Variants in ASB2 observed in about 807,000 individuals in gnomAD.
The protein encoded by ASB2 is ankyrin repeat and SOCS box containing 2.
ASB2 carries 58 observed loss-of-function variants against 62.4 expected under a neutral mutation model. The observed-to-expected ratio is 0.93, with a 90% confidence interval of 0.75 to 1.16. The LOEUF (loss-of-function observed/expected upper bound fraction) is 1.16. ASB2 is among the 50% of genes most tolerant of loss of function. The probability of loss-of-function intolerance (pLI) is 0.00; values close to 1 mark genes in which losing one functional copy is unlikely to be tolerated. For missense variants in ASB2, 928 were observed against 887.9 expected (o/e 1.05, Z -0.57); for synonymous variants, 386 against 385.3 (o/e 1.00, Z -0.02).
intron 9 of ASB2, among the ~76,000 whole-genome samples, chr14:93,935,561 CTGAG>C (rs1198202276): frequency 6.6e-6 from 1 of 152,172 alleles, no homozygotes; most frequent in Admixed American, 6.5e-5. Context: ...ACGGTGCCCT[CTGAG>C]TGAGGTCCTG....
intron 2 of ASB2, among the ~76,000 whole-genome samples, chr14:93,958,146 C>T (rs956938030): frequency 4.6e-5 from 7 of 152,230 alleles, no homozygotes; most frequent in Non-Finnish European, 7.3e-5. Context: ...TGGCTGCCTT[C>T]CTCATCCTCG....
chr14:93,949,985 G>T (rs1451694395), intron 6 of ASB2, among the ~76,000 whole-genome samples: 21 of 152,356 alleles, frequency 1.4e-4, no homozygotes, highest in Non-Finnish European at 2.5e-4. Flanking sequence ...TCACAGGGTA[G>T]GGTGGCTGGC....
intron 4 of ASB2, 129 bp downstream of exon 4, chr14:93,954,188 A>G: frequency 1.3e-6 from 1 of 766,174 alleles, no homozygotes; most frequent in East Asian, 2.5e-5. Flanking sequence ...TAACTGACAA[A>G]TGAAAGTGAC....
chr14:93,939,387 G>T lies in ASB2; in HGVS notation c.1338C>A (p.Leu446=), dbSNP rs747862900. The T allele has an allele frequency of 2.0e-5, 32 of 1,612,878 alleles. 1 individual carries two copies. Among genetic ancestry groups the T allele is most frequent in the Non-Finnish European group, 2.6e-5 (31 of 1,179,842 alleles). ...GCAGGCAGCCGTGGCGGATGGCCAC[G>T]AGCAAGGGGCTGATGACGTCGCGGT... ...DPNRDVISPL[L]VAIRHGCLRT... is the part of the protein sequence containing the mutation. Residue 446 remains leucine (L), a synonymous_variant, in exon 8 of 10, where the codon CTC becomes CTA. Coordinates refer to ENST00000555019, the MANE Select transcript of ASB2 (RefSeq NM_001202429.2).
chr14:93,939,115 A>C lies in ASB2; in HGVS notation c.1610T>G (p.Val537Gly), dbSNP rs1595299964. The C allele has an allele frequency of 6.6e-7, 1 of 1,509,692 alleles. No individual in the cohort carries two copies. Among genetic ancestry groups the C allele is most frequent in the Admixed American group, 2.1e-5 (1 of 47,650 alleles). 93.5% of individuals were successfully genotyped at this position (1,509,692 alleles called of 1,614,324 possible). The part of the protein sequence containing the change: ...DAPAADKEPS[V>G]VQFCEFVSAP... ...CCAGCGTGCGCTGCCCACCTGCACC[A>C]CGCTGGGCTCCTTGTCGGCCGCGGG... The change falls in exon 8 of 10, where the codon GTG (valine) becomes GGG (glycine). Residue 537 changes from valine (V) to glycine (G), a missense_variant. Physicochemically the swap from Val to Gly is moderately radical, Grantham distance 109. Coordinates refer to ENST00000555019, the MANE Select transcript of ASB2 (RefSeq NM_001202429.2).
At chr14:93,944,139 A>G (rs1457577785) in intron 7 of ASB2, 1 of 384,170 alleles carries the variant, frequency 2.6e-6, no homozygotes, top group Non-Finnish European at 5.1e-6. Flanking sequence ...CGGCAGCGCC[A>G]TCTCGTCAGG....
rs1236010116 is a variant in ASB2, at chr14:93,951,250, C to T, written c.635-6G>A. ...CGCGTTCTTGCGCTCGCAGGCTGTGCTCAGGGGGAAGCAGGGATGGTCAGC... is the reference window on the plus strand; with the variant it reads ...CGCGTTCTTGCGCTCGCAGGCTGTGTTCAGGGGGAAGCAGGGATGGTCAGC... On this transcript the variant is annotated splice_region_variant and splice_polypyrimidine_tract_variant and intron_variant, in intron 5 of 9. Transcript: ENST00000555019. The T allele has an allele frequency of 6.3e-7, 1 of 1,587,352 alleles. No individual in the cohort carries two copies. The highest frequency in any genetic ancestry group is 8.6e-7 in the Non-Finnish European group (1 of 1,167,720).
intron 1 of ASB2, among the ~76,000 whole-genome samples, chr14:93,974,235 T>TA (rs1472736708): frequency 6.6e-6 from 1 of 152,206 alleles, no homozygotes; most frequent in African/African-American, 2.4e-5. Context: ...CCATTCTTTT[T>TA]AAAAAACAGA....
chr14:93,964,413 T>G lies in ASB2; in HGVS notation c.127A>C (p.Thr43Pro), dbSNP rs1158722105. Reference protein sequence around the residue: ...MAIEQSLADKTRGPTTAEATA... With the variant: ...MAIEQSLADKPRGPTTAEATA... ...GCCTCAGCAGTGGTTGGGCCCCTTGTCTTGTCCGCTAGGCTCTGCTCGATG... is the reference window on the plus strand; with the variant it reads ...GCCTCAGCAGTGGTTGGGCCCCTTGGCTTGTCCGCTAGGCTCTGCTCGATG... Residue 43 changes from threonine (T) to proline (P), a missense_variant, in exon 2 of 10, where the codon ACA (threonine) becomes CCA (proline). By Grantham distance (38) the Thr-to-Pro change is conservative. Coordinates refer to ENST00000555019, the MANE Select transcript of ASB2 (RefSeq NM_001202429.2). The G allele has an allele frequency of 6.5e-7, 1 of 1,535,952 alleles. No individual in the cohort carries two copies. The highest frequency in any genetic ancestry group is 2.0e-5 in the Admixed American group (1 of 50,976).
At chr14:93,974,444 G>A (rs1010264230) in intron 1 of ASB2, among the ~76,000 whole-genome samples, 9 of 152,224 alleles carry the variant, frequency 5.9e-5, no homozygotes, top group East Asian at 1.9e-4. Context: ...CCTCTGCAGC[G>A]CAGAAATGGA....
intron 1 of ASB2, among the ~76,000 whole-genome samples, chr14:93,975,697 C>G (rs749453689): frequency 3.3e-5 from 5 of 152,242 alleles, no homozygotes; most frequent in Non-Finnish European, 5.9e-5. Context: ...CCACATTTCA[C>G]TTTCCATCAT....
In ASB2 at chr14:93,934,261, T is replaced by C. The variant is rs1204884255; in HGVS notation, c.*395A>G. The C allele has an allele frequency of 2.2e-6, 1 of 458,498 alleles. No individual in the cohort carries two copies. The highest frequency in any genetic ancestry group is 6.8e-5 in the East Asian group (1 of 14,600). 28.4% of individuals were successfully genotyped at this position (458,498 alleles called of 1,614,324 possible). A position where few individuals can be genotyped will look rare whatever the true frequency, so the allele number is the denominator to read the frequency against. ...ACCTTGGGCCACGTCTTCATCTTAG[T>C]CTTTGGAGAGAAAGCTCTGAAGTCA... On this transcript the variant is annotated 3_prime_UTR_variant, in exon 10 of 10. Transcript: ENST00000555019.
intron 2 of ASB2, 84 bp from the exon 3 acceptor site, chr14:93,956,954 T>C: frequency 6.3e-7 from 1 of 1,593,396 alleles, no homozygotes; most frequent in Non-Finnish European, 8.6e-7. Context: ...GGAATGAGGA[T>C]GGAGGGAGAG....
intron 7 of ASB2, among the ~76,000 whole-genome samples, chr14:93,947,120 G>T (rs757582657): frequency 1.3e-5 from 2 of 152,218 alleles, no homozygotes; most frequent in Non-Finnish European, 2.9e-5. Context: ...GCTGCATAAG[G>T]GTTTGCTGTT....
At chr14:93,963,532 C>T (rs1372761817) in intron 2 of ASB2, among the ~76,000 whole-genome samples, 2 of 152,154 alleles carry the variant, frequency 1.3e-5, no homozygotes, top group East Asian at 1.9e-4. Flanking sequence ...AGATCTGCAC[C>T]GTCTGATAAG....
chr14:93,934,419 G>C lies in ASB2; in HGVS notation c.*237C>G, dbSNP rs1313709112. On this transcript the variant is annotated 3_prime_UTR_variant, in exon 10 of 10. Coordinates refer to ENST00000555019, the MANE Select transcript of ASB2 (RefSeq NM_001202429.2). Reference sequence around the variant, plus strand: ...CCATTCCTGAAGGTAGAGAAGGTCTGGGATCTGCTCATCAGTTTGTAAACA... The same window carrying C: ...CCATTCCTGAAGGTAGAGAAGGTCTCGGATCTGCTCATCAGTTTGTAAACA... 1.9e-6 allele frequency: 1 copy of C among 537,274 alleles called. No homozygotes were observed. Among genetic ancestry groups the C allele is most frequent in the Non-Finnish European group, 3.4e-6 (1 of 298,362 alleles). The allele number at this position is 537,274 out of a possible 1,614,324, so 33.3% of individuals were successfully genotyped here.
At chr14:93,950,855 A>G (rs976507989) in intron 6 of ASB2, 144 bp downstream of exon 6, 5 of 968,644 alleles carry the variant, frequency 5.2e-6, no homozygotes, top group Non-Finnish European at 7.8e-6. Context: ...ATCTTTCTCA[A>G]CACAGCACTC....
At chr14:93,937,013 C>G (rs1440580499) in intron 9 of ASB2, among the ~76,000 whole-genome samples, 2 of 152,198 alleles carry the variant, frequency 1.3e-5, no homozygotes, top group African/African-American at 4.8e-5. Flanking sequence ...GGACAGTGGC[C>G]GAACTCCACT....
rs545876147 is a variant in ASB2 at position 93,947,610 on chromosome 14, C to T, written c.881-90G>A. On this transcript the variant is annotated intron_variant, in intron 6 of 9. Transcript: ENST00000555019. ...GCCACCGCGTGGTGGGCCTGCTGTGCTAACCACGGTAATGCACGGGACCTT... is the reference window on the plus strand; with the variant it reads ...GCCACCGCGTGGTGGGCCTGCTGTGTTAACCACGGTAATGCACGGGACCTT... 1.2e-4 allele frequency: 162 copies of T among 1,365,576 alleles called. 1 individual carries two copies. In the Admixed American group the frequency reaches 2.8e-3, roughly 24 times the overall value. The allele number at this position is 1,365,576 out of a possible 1,614,324, so 84.6% of individuals were successfully genotyped here.
Sources: gnomAD v4.1 joint callset for allele counts (sites outside exome capture counted in the v4.1 genomes callset) on GRCh38, gnomAD v4.1.1 for gene constraint, MANE v1.5 for transcripts, NCBI Gene and HGNC (gene_info 2026-07-23, HGNC 2026-07-21) for gene names.